Variants in HTR4 observed in about 807,000 individuals in gnomAD.
HTR4 encodes the protein 5-hydroxytryptamine (serotonin) receptor 4, G protein-coupled.
Under a neutral mutation model 36.8 loss-of-function variants are expected in HTR4, and 16 were observed. That is an observed-to-expected ratio of 0.43 (90% CI 0.29 to 0.66). The LOEUF (loss-of-function observed/expected upper bound fraction) is 0.66. Ranked by LOEUF, HTR4 falls within the 30% of genes least tolerant of loss-of-function variation. The pLI is 0.13. For missense variants in HTR4, 438 were observed against 490.9 expected, an observed-to-expected ratio of 0.89 and a Z score of 1.02; for synonymous variants, 189 against 185.1, an observed-to-expected ratio of 1.02 and a Z score of -0.17.
chr5:148,495,193 G>A (rs1756631750), intron 6 of HTR4, among the ~76,000 whole-genome samples: 1 of 152,166 alleles, frequency 6.6e-6, no homozygotes, highest in Admixed American at 6.5e-5. Context: ...TAAATAGTCT[G>A]TTCTTAAAAT....
intron 2 of HTR4, among the ~76,000 whole-genome samples, chr5:148,605,341 C>T (rs968761271): frequency 3.3e-5 from 5 of 149,870 alleles, no homozygotes; most frequent in African/African-American, 4.9e-5. Flanking sequence ...TCACTGCAAC[C>T]TCCGCCTCCC....
intron 2 of HTR4, among the ~76,000 whole-genome samples, chr5:148,604,990 T>C (rs1042974099): frequency 6.6e-6 from 1 of 152,166 alleles, no homozygotes; most frequent in Non-Finnish European, 1.5e-5. Flanking sequence ...GGAAAACATT[T>C]TGTACACTGT....
chr5:148,596,401 T>C (rs549583991), intron 2 of HTR4, among the ~76,000 whole-genome samples: 3 of 152,288 alleles, frequency 2.0e-5, no homozygotes, highest in East Asian at 3.9e-4. Context: ...TTCTTTAAAG[T>C]TCACAGTTCT....
intron 2 of HTR4, among the ~76,000 whole-genome samples, chr5:148,614,263 A>G (rs1179319939): frequency 3.3e-5 from 5 of 151,722 alleles, no homozygotes; most frequent in East Asian, 1.9e-4. Flanking sequence ...GAGGCATCAC[A>G]CTACCTGACT....
intron 1 of HTR4, among the ~76,000 whole-genome samples, chr5:148,652,094 A>C (rs1347077429): frequency 1.3e-5 from 2 of 152,238 alleles, no homozygotes; most frequent in Admixed American, 1.3e-4. Context: ...TGATAATATC[A>C]AAGGTGTTCA....
In HTR4 at chr5:148,562,035, C is replaced by T. The variant is rs117378691; in HGVS notation, c.27-11773G>A. ...TCTGATAATGCAAAAAATCCTTTGC[C>T]CAAAGGAGAGATGAAACAGCTCAAT... On this transcript the variant is annotated intron_variant, in intron 2 of 6. Coordinates refer to ENST00000377888, the MANE Select transcript of HTR4 (RefSeq NM_000870.7). 3.9e-5 allele frequency among the ~76,000 whole-genome samples: 6 copies of T among 152,222 alleles called. No individual in the cohort carries two copies. The East Asian group carries it at 1.2e-3, about 29-fold the overall frequency.
At chr5:148,560,771 G>A (rs1760171520) in intron 2 of HTR4, among the ~76,000 whole-genome samples, 2 of 152,146 alleles carry the variant, frequency 1.3e-5, no homozygotes, top group South Asian at 4.1e-4. Flanking sequence ...ATTAAGTGGT[G>A]AAGCTGGGAT....
At chr5:148,597,858 T>C (rs1349376148) in intron 2 of HTR4, among the ~76,000 whole-genome samples, 1 of 152,188 alleles carries the variant, frequency 6.6e-6, no homozygotes. Flanking sequence ...TGAGAACAAG[T>C]ACCTCCTACA....
At position 148,637,166 on chromosome 5, in the gene HTR4, G is replaced by C; in HGVS notation, c.-47-105C>G. 5.5e-6 allele frequency: 4 copies of C among 727,390 alleles called. No individual in the cohort carries two copies. In the South Asian group the frequency reaches 7.4e-5, roughly 14 times the overall value. 45.1% of individuals were successfully genotyped at this position (727,390 alleles called of 1,614,324 possible). A position where few individuals can be genotyped will look rare whatever the true frequency, so the allele number is the denominator to read the frequency against. On this transcript the variant is annotated intron_variant, in intron 1 of 6. Transcript: ENST00000377888. ...TAACTATTGCTTCCTATTATGACTT[G>C]TTTTGTGGAAATATTTAATAAACAA...
intron 5 of HTR4, among the ~76,000 whole-genome samples, chr5:148,457,954 T>C (rs1218514459): frequency 2.3e-5 from 3 of 131,970 alleles, no homozygotes; most frequent in African/African-American, 8.4e-5. Context: ...ATATATTAAA[T>C]ATATATTAAA....
chr5:148,473,188 A>G (rs181258554), downstream of HTR4, among the ~76,000 whole-genome samples: 41 of 151,650 alleles, frequency 2.7e-4, no homozygotes, highest in East Asian at 7.6e-3. Context: ...AGTCCCAGCT[A>G]CTCGGGAGGC....
At chr5:148,583,924 TG>T (rs1761249704) in intron 2 of HTR4, among the ~76,000 whole-genome samples, 1 of 152,174 alleles carries the variant, frequency 6.6e-6, no homozygotes, top group African/African-American at 2.4e-5. Flanking sequence ...AACTTGATGG[TG>T]GAATTTGCAT....
chr5:148,604,688 T>C (rs1251770462), intron 2 of HTR4, among the ~76,000 whole-genome samples: 2 of 152,328 alleles, frequency 1.3e-5, no homozygotes, highest in Non-Finnish European at 2.9e-5. Flanking sequence ...TAATCACTTT[T>C]GCAAGCAATG....
In HTR4 at chr5:148,545,695, A is replaced by G. The variant is rs192903585; in HGVS notation, c.353+2973T>C. 2.4e-4 allele frequency among the ~76,000 whole-genome samples: 37 copies of G among 152,314 alleles called. No homozygotes were observed. In the South Asian group the frequency reaches 3.3e-3, roughly 14 times the overall value. ...CAGGTGGCTGAGCAGAGAGCCCTGG[A>G]GAACTAGAAAGAAGGCCAAAGCAAC... On this transcript the variant is annotated intron_variant, in intron 4 of 6. Transcript: ENST00000377888.
intron 2 of HTR4, among the ~76,000 whole-genome samples, chr5:148,623,749 G>A (rs1054828125): frequency 6.6e-5 from 10 of 152,112 alleles, no homozygotes; most frequent in Non-Finnish European, 8.8e-5. Flanking sequence ...GAGTGTTCCC[G>A]TGCTAACGTT....
Position 148,451,101 on chromosome 5 carries a change from T to A in HTR4, c.*84A>T. 4 of 1,593,866 alleles carry A rather than the reference T, an allele frequency of 2.5e-6. No homozygotes were observed. The South Asian group carries it at 4.5e-5, about 18-fold the overall frequency. On this transcript the variant is annotated 3_prime_UTR_variant, in exon 6 of 6. Coordinates refer to the HTR4 transcript ENST00000521530. ...CTACCTGATGCCTCACTGGTGGTGA[T>A]GAGGTTCAGAAGTGATGCCAGGGTG...
downstream of HTR4, among the ~76,000 whole-genome samples, chr5:148,476,293 C>T (rs951906377): frequency 2.0e-5 from 3 of 152,198 alleles, no homozygotes; most frequent in Admixed American, 6.5e-5. Flanking sequence ...ACTCACAAAA[C>T]TTCAGTCCGC....
chr5:148,499,991 C>T (rs766403016), intron 6 of HTR4, among the ~76,000 whole-genome samples: 25 of 152,182 alleles, frequency 1.6e-4, no homozygotes, highest in Non-Finnish European at 2.6e-4. Flanking sequence ...AATGCTGATG[C>T]CATGCTCGTA....
At position 148,596,656 on chromosome 5, in the gene HTR4, A is replaced by G. The variant is rs374663972; in HGVS notation, c.26+40333T>C. 2.0e-5 allele frequency among the ~76,000 whole-genome samples: 3 copies of G among 147,626 alleles called. No homozygotes were observed. The South Asian group carries it at 7.0e-4, about 34-fold the overall frequency. On this transcript the variant is annotated intron_variant, in intron 2 of 6. Coordinates refer to ENST00000377888, the MANE Select transcript of HTR4 (RefSeq NM_000870.7). ...GCGACAACCAAAAACATCTCTAGAC[A>G]TTGCCAAATGTCCCCTGGTGGTGGA...
Sources: gnomAD v4.1 joint callset for allele counts (sites outside exome capture counted in the v4.1 genomes callset) on GRCh38, gnomAD v4.1.1 for gene constraint, MANE v1.5 for transcripts, NCBI Gene and HGNC (gene_info 2026-07-23, HGNC 2026-07-21) for gene names.